The following ZMAT4 variants were observed in gnomAD, a reference collection of about 807,000 sequenced individuals.
ZMAT4 encodes zinc finger matrin-type 4.
ZMAT4 carries 17 observed loss-of-function variants against 28.7 expected under a neutral mutation model. That is an observed-to-expected ratio of 0.59 (90% CI 0.41 to 0.89). The LOEUF (loss-of-function observed/expected upper bound fraction) is 0.89, where lower values mean the gene tolerates loss of function less well. Among genes scored for constraint, ZMAT4 ranks in the 40% least tolerant of loss-of-function variants. ZMAT4 has a pLI of 0.00. For missense variants in ZMAT4, 240 were observed against 283.8 expected, an observed-to-expected ratio of 0.85 and a Z score of 1.11; for synonymous variants, 117 against 109.2, an observed-to-expected ratio of 1.07 and a Z score of -0.44.
intron 6 of ZMAT4, among the ~76,000 whole-genome samples, chr8:40,577,589 G>A (rs1473910603): frequency 1.3e-5 from 2 of 152,054 alleles, no homozygotes; most frequent in African/African-American, 2.4e-5. Flanking sequence ...AAAGAAACAA[G>A]TTTTAGTGTT....
At chr8:40,824,691 T>TAAAG (rs568507173) in intron 2 of ZMAT4, among the ~76,000 whole-genome samples, 9 of 61,440 alleles carry the variant, frequency 1.5e-4, no homozygotes, top group Non-Finnish European at 2.9e-4. Context: ...CAAAGAAAAA[T>TAAAG]AAAGAAAGAA....
At chr8:40,890,473 C>G (rs1228529974) in intron 1 of ZMAT4, among the ~76,000 whole-genome samples, 1 of 152,132 alleles carries the variant, frequency 6.6e-6, no homozygotes, top group East Asian at 1.9e-4. Flanking sequence ...GTATCGGCTT[C>G]TGATGCTGCC....
intron 1 of ZMAT4, among the ~76,000 whole-genome samples, chr8:40,896,549 C>T (rs1445280200): frequency 1.3e-5 from 2 of 152,212 alleles, no homozygotes; most frequent in African/African-American, 2.4e-5. Context: ...CCTGCTTCCC[C>T]ATGGGTCCCT....
intron 5 of ZMAT4, among the ~76,000 whole-genome samples, chr8:40,640,048 T>C (rs1010076816): frequency 1.3e-5 from 2 of 152,246 alleles, no homozygotes; most frequent in South Asian, 2.1e-4. Context: ...GAGATCATAG[T>C]TCACTGTAGC....
chr8:40,601,207 GA>G (rs2118613190), intron 5 of ZMAT4, among the ~76,000 whole-genome samples: 1 of 152,084 alleles, frequency 6.6e-6, no homozygotes, highest in African/African-American at 2.4e-5. Flanking sequence ...CAGGGTAGGG[GA>G]AAGTCCAGTA....
chr8:40,836,019 C>CTATCCAG (rs1390817159), intron 1 of ZMAT4, among the ~76,000 whole-genome samples: 1 of 152,206 alleles, frequency 6.6e-6, no homozygotes, highest in Non-Finnish European at 1.5e-5. Context: ...AAGGGACTCA[C>CTATCCAG]TATCCAGTTT....
At chr8:40,799,579 A>T (rs912988415) in intron 2 of ZMAT4, among the ~76,000 whole-genome samples, 1 of 152,254 alleles carries the variant, frequency 6.6e-6, no homozygotes, top group Non-Finnish European at 1.5e-5. Flanking sequence ...TTAAAAATTT[A>T]AAACAATTTT....
chr8:40,615,825 C>T lies in ZMAT4; in HGVS notation c.578-34564G>A, dbSNP rs1045610652. 3.9e-5 allele frequency among the ~76,000 whole-genome samples: 6 copies of T among 152,046 alleles called. 1 individual carries two copies. The highest frequency in any genetic ancestry group is 2.6e-4 in the Admixed American group (4 of 15,260). ...ACACTGATTATTCTAGTTAGCTATT[C>T]GTCTAATCTTTTTTCAATGTTTTTA... is the stretch of plus-strand genomic sequence containing the variant. On this transcript the variant is annotated intron_variant, in intron 5 of 6. Transcript: ENST00000297737.
At chr8:40,709,386 A>T (rs1005532480) in intron 3 of ZMAT4, among the ~76,000 whole-genome samples, 1 of 152,214 alleles carries the variant, frequency 6.6e-6, no homozygotes. Flanking sequence ...GTCAACCCAA[A>T]ACAATCAACA....
intron 2 of ZMAT4, among the ~76,000 whole-genome samples, chr8:40,784,101 T>C (rs1050022923): frequency 6.6e-6 from 1 of 152,090 alleles, no homozygotes; most frequent in Non-Finnish European, 1.5e-5. Flanking sequence ...ACCAACAATA[T>C]TTTTTAGAGG....
At position 40,895,100 on chromosome 8, in the gene ZMAT4, C is replaced by T. The variant is rs74913649; in HGVS notation, c.-5+2583G>A. Among the ~76,000 whole-genome samples the T allele has an allele frequency of 7.3e-3, 1,117 of 152,244 alleles. 16 individuals are homozygous for T. Among genetic ancestry groups the T allele is most frequent in the African/African-American group, 0.025 (1,045 of 41,540 alleles). On this transcript the variant is annotated intron_variant, in intron 1 of 6. Transcript: ENST00000297737. ...GAGGACTTTTATTTGCCAGGTAACT[C>T]ACGCAGGGCTTGGAAAAGCAGAAAG...
chr8:40,576,770 A>G (rs1459361136), intron 6 of ZMAT4, among the ~76,000 whole-genome samples: 8 of 152,226 alleles, frequency 5.3e-5, no homozygotes, highest in African/African-American at 1.9e-4. Context: ...AAGGAATCAA[A>G]CCTTATCACT....
intron 1 of ZMAT4, among the ~76,000 whole-genome samples, chr8:40,848,311 T>C (rs1816981023): frequency 6.6e-6 from 1 of 152,218 alleles, no homozygotes; most frequent in South Asian, 2.1e-4. Context: ...CTTTCCACTG[T>C]AGGACTCCAC....
At chr8:40,540,640 T>A (rs1802999002) in intron 6 of ZMAT4, among the ~76,000 whole-genome samples, 1 of 152,142 alleles carries the variant, frequency 6.6e-6, no homozygotes, top group African/African-American at 2.4e-5. Flanking sequence ...AACCCCAAAT[T>A]TGTAGCCAAT....
chr8:40,856,169 T>G (rs1328327754), intron 1 of ZMAT4, among the ~76,000 whole-genome samples: 1 of 152,170 alleles, frequency 6.6e-6, no homozygotes, highest in Non-Finnish European at 1.5e-5. Flanking sequence ...GCATTTGTGT[T>G]TGTCTTAACT....
chr8:40,555,362 T>C (rs1803501254), intron 6 of ZMAT4, among the ~76,000 whole-genome samples: 1 of 152,164 alleles, frequency 6.6e-6, no homozygotes, highest in African/African-American at 2.4e-5. Flanking sequence ...CATATGGTAG[T>C]TCTATTTTTA....
At chr8:40,717,388 C>T (rs1810901816) in intron 3 of ZMAT4, among the ~76,000 whole-genome samples, 1 of 152,170 alleles carries the variant, frequency 6.6e-6, no homozygotes, top group Non-Finnish European at 1.5e-5. Flanking sequence ...GGTACAGTGG[C>T]TCACGCCTGT....
chr8:40,591,428 G>C (rs1357829904), intron 5 of ZMAT4, among the ~76,000 whole-genome samples: 1 of 152,140 alleles, frequency 6.6e-6, no homozygotes, highest in Non-Finnish European at 1.5e-5. Flanking sequence ...CAGGTGCAAG[G>C]ACCCAATCTA....
At chr8:40,829,698 C>G (rs998419351) in intron 1 of ZMAT4, among the ~76,000 whole-genome samples, 1 of 152,060 alleles carries the variant, frequency 6.6e-6, no homozygotes, top group Admixed American at 6.6e-5. Flanking sequence ...TCCAACAGAA[C>G]TTGGGGGATG....
Sources: gnomAD v4.1 joint callset for allele counts (sites outside exome capture counted in the v4.1 genomes callset) on GRCh38, gnomAD v4.1.1 for gene constraint, MANE v1.5 for transcripts, NCBI Gene and HGNC (gene_info 2026-07-23, HGNC 2026-07-21) for gene names.